The following MGAT5 variants were observed in gnomAD, a reference collection of about 807,000 sequenced individuals.
MGAT5 encodes alpha-1,6-mannosylglycoprotein 6-beta-N-acetylglucosaminyltransferase, also known as alpha-1,6-mannosylglycoprotein 6-beta-N-acetylglucosaminyltransferase A.
Under a neutral mutation model 94.3 loss-of-function variants are expected in MGAT5, and 30 were observed. The ratio of observed to expected loss-of-function variants is 0.32; its 90% CI spans 0.24 to 0.43. The LOEUF is 0.43. Ranked by LOEUF, MGAT5 falls within the 20% of genes least tolerant of loss-of-function variation. MGAT5 has a pLI of 1.00. For missense variants in MGAT5, 691 were observed against 905.5 expected (o/e 0.76, Z 3.04); for synonymous variants, 310 against 322.9 (o/e 0.96, Z 0.43).
chr2:134,360,620 ATTTTAGAAATATT>A lies in MGAT5; in HGVS notation c.1247-1652_1247-1640del, dbSNP rs1337585630. ...TCAAAACTTTTAGAATTAACAAAAA[ATTTTAGAAATATT>A]TTAAGCTGCATAATAACACTGAGAA... On this transcript the variant is annotated intron_variant, in intron 9 of 15. Transcript: ENST00000281923. 3.3e-5 allele frequency among the ~76,000 whole-genome samples: 5 copies of A among 152,374 alleles called. No homozygotes were observed. In the East Asian group the frequency reaches 9.6e-4, roughly 29 times the overall value.
At chr2:134,302,278 G>A (rs56742048) in intron 2 of MGAT5, among the ~76,000 whole-genome samples, 2,646 of 152,008 alleles carry the variant, frequency 0.017, 87 homozygotes, top group African/African-American at 0.06. Flanking sequence ...TTCTTATCAC[G>A]GTATAGTTAG....
At chr2:134,167,248 TCCTC>T (rs1300106351) in intron 1 of MGAT5, among the ~76,000 whole-genome samples, 1 of 152,210 alleles carries the variant, frequency 6.6e-6, no homozygotes, top group African/African-American at 2.4e-5. Flanking sequence ...GAATGAATCA[TCCTC>T]AGCCTCATCA....
rs116407387 is a variant in MGAT5 at position 134,272,810 on chromosome 2, G to T, written c.406+2260G>T. Among the ~76,000 whole-genome samples, 386 of 152,348 alleles carry T rather than the reference G, an allele frequency of 2.5e-3. 3 individuals are homozygous for T. The highest frequency in any genetic ancestry group is 9.0e-3 in the African/African-American group (375 of 41,588). On this transcript the variant is annotated intron_variant, in intron 2 of 15. Transcript: ENST00000281923. Reference sequence around the variant, plus strand: ...GTGCTATGTAGAGAAGAGATTCTGAGTGTTAACTCCATCTCTCCTTCCATT... The same window carrying T: ...GTGCTATGTAGAGAAGAGATTCTGATTGTTAACTCCATCTCTCCTTCCATT...
intron 9 of MGAT5, among the ~76,000 whole-genome samples, chr2:134,356,110 A>G (rs891874060): frequency 3.9e-5 from 6 of 152,190 alleles, no homozygotes; most frequent in Non-Finnish European, 8.8e-5. Context: ...TATCATTCAC[A>G]ATGTGAAGAC....
chr2:134,403,159 G>A, intron 11 of MGAT5, 22 bp downstream of exon 11: 4 of 1,590,510 alleles, frequency 2.5e-6, no homozygotes, highest in Non-Finnish European at 3.4e-6. Context: ...CCACGGATGT[G>A]GTGTTCAGGT....
intron 13 of MGAT5, among the ~76,000 whole-genome samples, chr2:134,425,316 C>T (rs1425665088): frequency 2.0e-5 from 3 of 151,882 alleles, no homozygotes; most frequent in East Asian, 1.9e-4. Context: ...CCATGGTAAA[C>T]GTTCAGGGGT....
intron 1 of MGAT5, among the ~76,000 whole-genome samples, chr2:134,159,143 C>T (rs1687611869): frequency 6.6e-6 from 1 of 151,682 alleles, no homozygotes; most frequent in South Asian, 2.1e-4. Flanking sequence ...AAAATTACAT[C>T]TGTGGCTTGC....
chr2:134,381,511 C>CAGA (rs1170766610), intron 10 of MGAT5, among the ~76,000 whole-genome samples: 10 of 50,660 alleles, frequency 2.0e-4, no homozygotes, highest in Middle Eastern at 6.6e-3. Context: ...GACAGACAGA[C>CAGA]CAGACAGACA....
intron 2 of MGAT5, among the ~76,000 whole-genome samples, chr2:134,304,950 G>C (rs1686240659): frequency 6.6e-6 from 1 of 152,146 alleles, no homozygotes; most frequent in African/African-American, 2.4e-5. Flanking sequence ...TATGCCAATG[G>C]CTTGTAGGTT....
At position 134,414,400 on chromosome 2, in the gene MGAT5, G is replaced by T. The variant is rs191748751; in HGVS notation, c.1677+1385G>T. Among the ~76,000 whole-genome samples the T allele has an allele frequency of 1.1e-4, 16 of 152,268 alleles. No individual in the cohort carries two copies. In the East Asian group the frequency reaches 2.7e-3, roughly 26 times the overall value. On this transcript the variant is annotated intron_variant, in intron 12 of 15. Coordinates refer to ENST00000281923, the MANE Select transcript of MGAT5 (RefSeq NM_002410.5). ...CAGCAGTGAAAATATCTCAGTTTAGGAATCTCTGCTTTAGCATGTGACTGA... is the reference window on the plus strand; with the variant it reads ...CAGCAGTGAAAATATCTCAGTTTAGTAATCTCTGCTTTAGCATGTGACTGA...
intron 1 of MGAT5, among the ~76,000 whole-genome samples, chr2:134,128,351 A>G (rs901504161): frequency 1.3e-5 from 2 of 152,190 alleles, no homozygotes; most frequent in Non-Finnish European, 2.9e-5. Flanking sequence ...GTCTGCAGAA[A>G]GTTTCTGTGA....
At position 134,273,129 on chromosome 2, in the gene MGAT5, G is replaced by T. The variant is rs754662428; in HGVS notation, c.406+2579G>T. 2.0e-5 allele frequency among the ~76,000 whole-genome samples: 3 copies of T among 150,056 alleles called. No homozygotes were observed. In the Admixed American group the frequency reaches 2.0e-4, roughly 10 times the overall value. The stretch of plus-strand genomic sequence containing the variant: ...ACAGCCTTCTTCATTTCCCCCAGAA[G>T]GTGGGGGGGGGTCCTTTATATCTTG... On this transcript the variant is annotated intron_variant, in intron 2 of 15. Coordinates refer to ENST00000281923, the MANE Select transcript of MGAT5 (RefSeq NM_002410.5).
At chr2:134,434,613 G>A (rs148917318) in intron 14 of MGAT5, among the ~76,000 whole-genome samples, 719 of 152,266 alleles carry the variant, frequency 4.7e-3, no homozygotes, top group South Asian at 0.023. Flanking sequence ...AGCAGCTCCT[G>A]CAGTCTGTTC....
intron 1 of MGAT5, among the ~76,000 whole-genome samples, chr2:134,147,059 A>G (rs1686953103): frequency 6.6e-6 from 1 of 152,122 alleles, no homozygotes. Context: ...TTTCAACATG[A>G]ATGTTAATGT....
intron 4 of MGAT5, 97 bp from the exon 5 acceptor site, chr2:134,336,120 G>T (rs1688318192): frequency 1.1e-6 from 1 of 903,674 alleles, no homozygotes; most frequent in East Asian, 2.5e-5. Context: ...TATTAATATA[G>T]TGCTAGTTGT....
intron 10 of MGAT5, among the ~76,000 whole-genome samples, chr2:134,374,185 T>C (rs1267765597): frequency 2.0e-5 from 3 of 152,280 alleles, no homozygotes; most frequent in South Asian, 2.1e-4. Context: ...GTGGAATGCA[T>C]TGGGCCAGTT....
At chr2:134,442,802 A>G (rs1685559278) in intron 15 of MGAT5, among the ~76,000 whole-genome samples, 1 of 152,104 alleles carries the variant, frequency 6.6e-6, no homozygotes, top group African/African-American at 2.4e-5. Flanking sequence ...ATAATTATCT[A>G]GCCTCCCCAC....
At chr2:134,313,269 G>T (rs1039466123) in intron 2 of MGAT5, among the ~76,000 whole-genome samples, 2 of 152,058 alleles carry the variant, frequency 1.3e-5, no homozygotes, top group African/African-American at 2.4e-5. Flanking sequence ...GTGACATCTC[G>T]TGCTGCTTCT....
chr2:134,280,006 T>G (rs1266705140), intron 2 of MGAT5, among the ~76,000 whole-genome samples: 5 of 152,158 alleles, frequency 3.3e-5, no homozygotes, highest in African/African-American at 7.2e-5. Flanking sequence ...GACTCCATGT[T>G]TTTGAAAAGG....
Sources: allele counts gnomAD v4.1 joint callset (sites outside exome capture counted in the v4.1 genomes callset), GRCh38; gene constraint gnomAD v4.1.1; transcripts MANE v1.5; gene names NCBI Gene and HGNC (gene_info 2026-07-23, HGNC 2026-07-21).